Variants in CDC20B observed in about 807,000 individuals in gnomAD.
The protein encoded by CDC20B is cell division cycle protein 20 homolog B.
Under a neutral mutation model 64.1 loss-of-function variants are expected in CDC20B, and 58 were observed. That is an observed-to-expected ratio of 0.90 (90% CI 0.73 to 1.13). The LOEUF (loss-of-function observed/expected upper bound fraction) is 1.13, where lower values mean the gene tolerates loss of function less well. Ranked by LOEUF, CDC20B falls within the 50% of genes most tolerant of loss-of-function variation. The probability of loss-of-function intolerance (pLI) is 0.00; values close to 1 mark genes in which losing one functional copy is unlikely to be tolerated. For synonymous variants in CDC20B, 243 were observed against 230.6 expected (o/e 1.05, Z -0.49); for missense variants, 597 against 633.0 (o/e 0.94, Z 0.61).
Position 55,171,607 on chromosome 5 carries a change from A to AT in CDC20B, c.126+980dup, listed in dbSNP as rs575375018. Among the ~76,000 whole-genome samples the AT allele has an allele frequency of 3.7e-3, 556 of 149,216 alleles. 1 individual carries two copies. The highest frequency in any genetic ancestry group is 6.1e-3 in the Non-Finnish European group (412 of 67,014). On this transcript the variant is annotated intron_variant, in intron 2 of 11. Transcript: ENST00000381375. ...TAGGATGTTACCACTTGAATACTGAATTTTTTTTTTTAAGAGGCAGGGTCT... is the reference window on the plus strand; with the variant it reads ...TAGGATGTTACCACTTGAATACTGAATTTTTTTTTTTTAAGAGGCAGGGTCT...
intron 2 of CDC20B, chr5:55,166,875 C>T (rs1744420206): frequency 6.6e-6 from 1 of 152,038 alleles, no homozygotes; most frequent in South Asian, 2.1e-4. Context: ...ACTAAAAATA[C>T]AAAAATTAGC....
chr5:55,132,867 A>C (rs1743064849), intron 6 of CDC20B, among the ~76,000 whole-genome samples: 1 of 152,182 alleles, frequency 6.6e-6, no homozygotes, highest in Non-Finnish European at 1.5e-5. Flanking sequence ...CTTCTCCTCT[A>C]TACCTTTCCA....
chr5:55,147,593 T>C (rs1430839730), intron 2 of CDC20B, among the ~76,000 whole-genome samples: 4 of 150,578 alleles, frequency 2.7e-5, no homozygotes, highest in Admixed American at 6.6e-5. Context: ...TTTTTATGTT[T>C]ATATGTGAAA....
At chr5:55,133,591 G>A in intron 5 of CDC20B, 63 bp from the exon 6 acceptor site, 1 of 718,152 alleles carries the variant, frequency 1.4e-6, no homozygotes, top group Non-Finnish European at 2.1e-6. Context: ...TTATTCTTGT[G>A]GGAATTAAGA....
In CDC20B at chr5:55,114,283, G is replaced by A; in HGVS notation, c.1495C>T (p.Pro499Ser). Residue 499 changes from proline (P) to serine (S), a missense_variant, in exon 12 of 12, where the codon CCA becomes TCA. Around this residue, in one of 3 missense-constraint regions of CDC20B, gnomAD observed 353 missense variants for 397.0 expected, o/e 0.89. Transcript: ENST00000381375. This position sits in a 1 kb window ranked among gnomAD's most constrained non-coding sequence, Gnocchi z 4.1. ...RGRVLHLSLS[P>S]DQTRVFSAAA... ...GCAGAAAACACCCGGGTCTGGTCTG[G>A]ACTCAAAGACAGGTGCAGCACTCTG... is the stretch of plus-strand genomic sequence containing the variant. 6.2e-7 allele frequency: 1 copy of A among 1,613,978 alleles called. No individual in the cohort carries two copies. Among genetic ancestry groups the A allele is most frequent in the Non-Finnish European group, 8.5e-7 (1 of 1,179,902 alleles).
In CDC20B at chr5:55,143,620, T is replaced by G; in HGVS notation, c.379A>C (p.Thr127Pro). ...TLGSRKEQLKTPSKGISETSN... is the reference protein window; with the variant it reads ...TLGSRKEQLKPPSKGISETSN... ...GTTTCAGAAATTCCTTTGCTGGGGGTCTTCAGTTGTTCTTTGCGGGATCCT... is the reference window on the plus strand; with the variant it reads ...GTTTCAGAAATTCCTTTGCTGGGGGGCTTCAGTTGTTCTTTGCGGGATCCT... The change falls in exon 4 of 12, where the codon ACC becomes CCC. Residue 127 changes from threonine to proline, a missense_variant. Physicochemically the swap from Thr to Pro is conservative, Grantham distance 38. Coordinates refer to ENST00000381375, the MANE Select transcript of CDC20B (RefSeq NM_001170402.1). 6.2e-7 allele frequency: 1 copy of G among 1,602,284 alleles called. No individual in the cohort carries two copies. The highest frequency in any genetic ancestry group is 8.5e-7 in the Non-Finnish European group (1 of 1,174,790).
chr5:55,142,095 T>C (rs1743345178), intron 4 of CDC20B, among the ~76,000 whole-genome samples: 1 of 152,216 alleles, frequency 6.6e-6, no homozygotes, highest in Non-Finnish European at 1.5e-5. Flanking sequence ...CAGGCGCTTC[T>C]GTTCTGTGGG....
intron 5 of CDC20B, 133 bp downstream of exon 5, chr5:55,140,181 A>C: frequency 1.9e-6 from 1 of 517,618 alleles, no homozygotes; most frequent in Non-Finnish European, 3.3e-6. Context: ...GATTATGAGA[A>C]TTATTCATAT....
Position 55,124,879 on chromosome 5 carries a change from G to A in CDC20B, c.1139C>T (p.Thr380Ile), listed in dbSNP as rs151152852. The change falls in exon 9 of 12, where the codon ACA (threonine) becomes ATA (isoleucine). Residue 380 changes from threonine (T) to isoleucine (I), a missense_variant. Transcript: ENST00000381375. ...LSSGCSDGLL[T>I]IWPHDPGASA... Reference sequence around the variant, plus strand: ...GGCACCTGGATCGTGGGGCCATATTGTCAGCAGTCCATCACTGCAGCCGCT... The same window carrying A: ...GGCACCTGGATCGTGGGGCCATATTATCAGCAGTCCATCACTGCAGCCGCT... 837 of 1,614,160 alleles carry A rather than the reference G, an allele frequency of 5.2e-4. 4 individuals are homozygous for A. The African/African-American group carries it at 9.2e-3, about 18-fold the overall frequency.
chr5:55,172,953 T>C lies in CDC20B; in HGVS notation c.48A>G (p.Glu16=). The C allele has an allele frequency of 6.2e-7, 1 of 1,611,240 alleles. No individual in the cohort carries two copies. The highest frequency in any genetic ancestry group is 8.5e-7 in the Non-Finnish European group (1 of 1,178,922). The change falls in exon 1 of 12, where the codon GAA becomes GAG. Residue 16 remains glutamate (E), a synonymous_variant. Transcript: ENST00000381375. ...TGTTACTCACCCACAGCATCTCCTCTTCCGTGCGGACCCTCCGAGGCGCGG... is the reference window on the plus strand; with the variant it reads ...TGTTACTCACCCACAGCATCTCCTCCTCCGTGCGGACCCTCCGAGGCGCGG... ...ERTAPRRVRT[E]EEMLWESIMR... is the part of the protein sequence containing the mutation.
chr5:55,147,002 A>G (rs1743502463), intron 2 of CDC20B, 146 bp from the exon 3 acceptor site: 1 of 371,934 alleles, frequency 2.7e-6, no homozygotes, highest in African/African-American at 2.1e-5. Flanking sequence ...TGTAACCTAG[A>G]TATTATTTTA....
chr5:55,161,345 C>A (rs1263019577), intron 2 of CDC20B: 16 of 1,248,900 alleles, frequency 1.3e-5, no homozygotes, highest in Non-Finnish European at 1.7e-5. Context: ...TCATTTGAAA[C>A]GTTGTATCGG....
chr5:55,171,932 T>C (rs1323703654), intron 2 of CDC20B, among the ~76,000 whole-genome samples: 1 of 152,082 alleles, frequency 6.6e-6, no homozygotes, highest in East Asian at 1.9e-4. Flanking sequence ...TCTAGAAAAA[T>C]CTATTAAAAT....
At chr5:55,161,283 T>C (rs368112512) in intron 2 of CDC20B, 1 of 1,590,804 alleles carries the variant, frequency 6.3e-7, no homozygotes, top group African/African-American at 1.4e-5. Flanking sequence ...ATATGCTGTT[T>C]TAAATTGCTT....
chr5:55,115,916 C>A (rs1036139945), intron 11 of CDC20B, among the ~76,000 whole-genome samples: 1 of 152,142 alleles, frequency 6.6e-6, no homozygotes, highest in South Asian at 2.1e-4. Context: ...CACACACACA[C>A]GCACCAGTAA....
chr5:55,169,809 T>C (rs1327051503), intron 2 of CDC20B, among the ~76,000 whole-genome samples: 1 of 152,204 alleles, frequency 6.6e-6, no homozygotes, highest in African/African-American at 2.4e-5. Context: ...TCTAATGCTG[T>C]ATTTAGAAAC....
intron 8 of CDC20B, 80 bp downstream of exon 8, chr5:55,127,177 T>G: frequency 1.3e-5 from 17 of 1,269,182 alleles, no homozygotes; most frequent in Non-Finnish European, 1.7e-5. Flanking sequence ...GTTTAGGTTT[T>G]GAATATTACA....
chr5:55,119,796 C>T lies in CDC20B; in HGVS notation c.1459+5G>A. The T allele has an allele frequency of 6.3e-7, 1 of 1,594,534 alleles. No individual in the cohort carries two copies. The highest frequency in any genetic ancestry group is 8.6e-7 in the Non-Finnish European group (1 of 1,162,490). On this transcript the variant is annotated splice_donor_5th_base_variant and intron_variant, in intron 11 of 11. Transcript: ENST00000381375. ...GCATGGCATTTTACTCACCCATTTG[C>T]TTACCAAAAAACCCACCTGACCTGG...
chr5:55,168,375 A>C (rs1460692732), intron 2 of CDC20B, among the ~76,000 whole-genome samples: 1 of 152,018 alleles, frequency 6.6e-6, no homozygotes. Flanking sequence ...CTTTGCCATC[A>C]GCAGAACCTC....
Sources: gnomAD v4.1 joint callset for allele counts (sites outside exome capture counted in the v4.1 genomes callset) on GRCh38, gnomAD v4.1.1 for gene constraint, gnomAD v4.1.1 regional missense constraint, Gnocchi (gnomAD v3.1) non-coding constraint, MANE v1.5 for transcripts, NCBI Gene and HGNC (gene_info 2026-07-23, HGNC 2026-07-21) for gene names.